The following CLINT1 variants were observed in gnomAD, a reference collection of about 807,000 sequenced individuals.
The protein encoded by CLINT1 is clathrin interactor 1.
CLINT1 carries 15 observed loss-of-function variants against 70.4 expected under a neutral mutation model. The observed-to-expected ratio is 0.21, with a 90% CI of 0.14 to 0.33. The LOEUF is 0.33. Ranked by LOEUF, CLINT1 falls within the 10% of genes least tolerant of loss-of-function variation. The pLI is 1.00. For synonymous variants in CLINT1, 227 were observed against 254.7 expected, an observed-to-expected ratio of 0.89 and a Z score of 1.04; for missense variants, 615 against 778.1, an observed-to-expected ratio of 0.79 and a Z score of 2.49.
At chr5:157,828,821 G>A (rs549932209) in intron 1 of CLINT1, among the ~76,000 whole-genome samples, 7 of 151,314 alleles carry the variant, frequency 4.6e-5, no homozygotes, top group Middle Eastern at 3.4e-3. Flanking sequence ...GGGCACGGTG[G>A]CTCACACCTG....
Position 157,814,550 on chromosome 5 carries a change from G to C in CLINT1, c.244-257C>G, listed in dbSNP as rs115962822. Among the ~76,000 whole-genome samples, 1,082 of 152,254 alleles carry C rather than the reference G, an allele frequency of 7.1e-3. 5 individuals carry two copies. The highest frequency in any genetic ancestry group is 0.012 in the Non-Finnish European group (798 of 68,022). ...GTCAAAGACTTAAAAGAATAACACT[G>C]ATGTTCAAAATATCAGAATGCTTGA... is the stretch of plus-strand genomic sequence containing the variant. On this transcript the variant is annotated intron_variant, in intron 3 of 11. Coordinates refer to ENST00000411809, the MANE Select transcript of CLINT1 (RefSeq NM_014666.4).
chr5:157,835,236 C>T (rs960475174), intron 1 of CLINT1, among the ~76,000 whole-genome samples: 1 of 152,070 alleles, frequency 6.6e-6, no homozygotes, highest in African/African-American at 2.4e-5. Flanking sequence ...TTGTGATATG[C>T]CTTACAGGAA....
chr5:157,792,269 C>T (rs1761939631), intron 9 of CLINT1, among the ~76,000 whole-genome samples: 1 of 152,112 alleles, frequency 6.6e-6, no homozygotes, highest in African/African-American at 2.4e-5. Context: ...AAAAAATGGC[C>T]AGGCATGGTG....
chr5:157,837,315 G>A (rs1192510626), intron 1 of CLINT1, among the ~76,000 whole-genome samples: 2 of 152,036 alleles, frequency 1.3e-5, no homozygotes, highest in Non-Finnish European at 2.9e-5. Flanking sequence ...GGTCAAGGCC[G>A]CAGTGGGCTA....
intron 1 of CLINT1, among the ~76,000 whole-genome samples, chr5:157,838,082 C>A (rs943859352): frequency 3.3e-5 from 5 of 151,136 alleles, no homozygotes; most frequent in Non-Finnish European, 7.4e-5. Flanking sequence ...CCACTTTTAA[C>A]AAATGGCCAA....
At chr5:157,818,467 TAAA>T (rs929415179) in intron 1 of CLINT1, among the ~76,000 whole-genome samples, 17 of 88,326 alleles carry the variant, frequency 1.9e-4, no homozygotes, top group Non-Finnish European at 4.5e-5. Context: ...ACCTGGTCTC[TAAA>T]AAAAAAAAAA....
At position 157,859,027 on chromosome 5, in the gene CLINT1, A is replaced by G; in HGVS notation, c.-57T>C. The G allele has an allele frequency of 6.3e-7, 1 of 1,597,992 alleles. No individual in the cohort carries two copies. Among genetic ancestry groups the G allele is most frequent in the Non-Finnish European group, 8.5e-7 (1 of 1,169,838 alleles). On this transcript the variant is annotated 5_prime_UTR_variant, in exon 1 of 12. Transcript: ENST00000411809. ...CTCTCCTGCTCCCCACGGACCCCGG[A>G]ACACTTCCGTACCGGGGCAGTTCCA...
At chr5:157,855,928 C>T (rs7719092) in intron 1 of CLINT1, among the ~76,000 whole-genome samples, 2 of 151,630 alleles carry the variant, frequency 1.3e-5, no homozygotes, top group Admixed American at 1.3e-4. Context: ...AGAGCGAAAC[C>T]CCATCTCAAA....
chr5:157,792,443 G>A (rs1386618908), intron 9 of CLINT1, among the ~76,000 whole-genome samples: 1 of 152,168 alleles, frequency 6.6e-6, no homozygotes, highest in African/African-American at 2.4e-5. Flanking sequence ...AGCTACTTGG[G>A]AGGCTCAGGC....
At chr5:157,791,615 T>G in intron 10 of CLINT1, 88 bp downstream of exon 10, 4 of 1,264,422 alleles carry the variant, frequency 3.2e-6, no homozygotes, top group South Asian at 1.4e-5. Context: ...CTTGCTTATT[T>G]TTCTGTTTTA....
In CLINT1 at chr5:157,835,553, T is replaced by C. The variant is rs973219919; in HGVS notation, c.42-18006A>G. Among the ~76,000 whole-genome samples, 8 of 152,144 alleles carry C rather than the reference T, an allele frequency of 5.3e-5. No individual in the cohort carries two copies. In the South Asian group the frequency reaches 8.3e-4, roughly 16 times the overall value. On this transcript the variant is annotated intron_variant, in intron 1 of 11. Transcript: ENST00000411809. The stretch of plus-strand genomic sequence containing the variant: ...TTATGCAGTTTTCTTTCCCTCTCGG[T>C]GCCTAACAACGAATGTCTAACATAA...
intron 8 of CLINT1, among the ~76,000 whole-genome samples, chr5:157,802,272 T>TA (rs1762247930): frequency 6.6e-6 from 1 of 152,192 alleles, no homozygotes; most frequent in Non-Finnish European, 1.5e-5. Flanking sequence ...ACCCCCATCT[T>TA]ACTGTCTACA....
At chr5:157,807,314 A>G (rs900239704) in intron 6 of CLINT1, among the ~76,000 whole-genome samples, 6 of 152,162 alleles carry the variant, frequency 3.9e-5, no homozygotes, top group African/African-American at 1.4e-4. Context: ...TAACTTCTCA[A>G]CAACAAATGA....
chr5:157,821,422 A>G (rs1145587), intron 1 of CLINT1, among the ~76,000 whole-genome samples: 20,375 of 152,198 alleles, frequency 0.13, 1,792 homozygotes, highest in African/African-American at 0.25. Context: ...GAAGAAAAAT[A>G]ACTTTAAGAA....
rs1367044089 is a variant in CLINT1 at position 157,840,659 on chromosome 5, A to C, written c.41+18271T>G. Among the ~76,000 whole-genome samples the C allele has an allele frequency of 5.3e-5, 8 of 152,054 alleles. No individual in the cohort carries two copies. The East Asian group carries it at 1.6e-3, about 29-fold the overall frequency. On this transcript the variant is annotated intron_variant, in intron 1 of 11. Coordinates refer to ENST00000411809, the MANE Select transcript of CLINT1 (RefSeq NM_014666.4). ...GACAAGCAAAGATGGCAAAATCTTA[A>C]AAATGGATGAATGTGGATAAAAAGT... is the stretch of plus-strand genomic sequence containing the variant.
intron 1 of CLINT1, among the ~76,000 whole-genome samples, chr5:157,848,588 C>T (rs1402250862): frequency 6.6e-6 from 1 of 151,848 alleles, no homozygotes; most frequent in African/African-American, 2.4e-5. Flanking sequence ...ACTGCAACCT[C>T]TGCCTCCCGG....
At chr5:157,855,472 A>G (rs1323149761) in intron 1 of CLINT1, among the ~76,000 whole-genome samples, 1 of 152,154 alleles carries the variant, frequency 6.6e-6, no homozygotes, top group African/African-American at 2.4e-5. Context: ...CTTTCCTGCC[A>G]CATCGCCTTT....
chr5:157,830,749 T>TCTCTCTCTCC (rs1763199665), intron 1 of CLINT1, among the ~76,000 whole-genome samples: 3 of 109,738 alleles, frequency 2.7e-5, no homozygotes, highest in Non-Finnish European at 5.5e-5. Flanking sequence ...TGCCCCTCCC[T>TCTCTCTCTCC]CTCTCTCCCT....
At chr5:157,832,442 T>A (rs193284998) in intron 1 of CLINT1, among the ~76,000 whole-genome samples, 3 of 152,352 alleles carry the variant, frequency 2.0e-5, no homozygotes, top group African/African-American at 7.2e-5. Context: ...CACTGGGATA[T>A]TTGATACCAT....
Sources: allele counts gnomAD v4.1 joint callset (sites outside exome capture counted in the v4.1 genomes callset), GRCh38; gene constraint gnomAD v4.1.1; transcripts MANE v1.5; gene names NCBI Gene and HGNC (gene_info 2026-07-23, HGNC 2026-07-21).